GPHN: variants seen among roughly 807,000 people sequenced by gnomAD.
GPHN encodes the protein gephyrin.
Under a neutral mutation model 95.5 loss-of-function variants are expected in GPHN, and 17 were observed. The observed-to-expected ratio is 0.18, with a 90% CI of 0.12 to 0.27. The LOEUF (loss-of-function observed/expected upper bound fraction) is 0.27, where lower values mean the gene tolerates loss of function less well. GPHN is among the 10% of genes least tolerant of loss of function. GPHN has a pLI of 1.00. For synonymous variants in GPHN, 320 were observed against 322.5 expected, an observed-to-expected ratio of 0.99 and a Z score of 0.08; for missense variants, 660 against 978.1, an observed-to-expected ratio of 0.67 and a Z score of 4.34.
the GPHN span, among the ~76,000 whole-genome samples, chr14:67,721,808 C>T: frequency 1.3e-5 from 2 of 150,834 alleles, no homozygotes; most frequent in Non-Finnish European, 1.5e-5. Flanking sequence ...TATATATAAT[C>T]ATACCCATTG....
chr14:67,090,409 A>G (rs1344503238), intron 12 of GPHN, among the ~76,000 whole-genome samples: 1 of 152,136 alleles, frequency 6.6e-6, no homozygotes, highest in Non-Finnish European at 1.5e-5. Flanking sequence ...CCATAAAAAC[A>G]CACTCAAAAC....
intron 18 of GPHN, among the ~76,000 whole-genome samples, chr14:67,144,248 AAAATATATATATAT>A (rs1243646370): frequency 1.6e-5 from 1 of 62,616 alleles, no homozygotes; most frequent in Non-Finnish European, 2.8e-5. Context: ...AAAAAAAAAA[AAAATATATATATAT>A]ATATATATAT....
chr14:66,867,598 G>A (rs1023924415), intron 4 of GPHN, among the ~76,000 whole-genome samples: 1 of 152,130 alleles, frequency 6.6e-6, no homozygotes, highest in Admixed American at 6.6e-5. Flanking sequence ...CCTCAGAATT[G>A]TTAGTTTATT....
At chr14:67,105,379 G>A (rs72715371) in intron 13 of GPHN, among the ~76,000 whole-genome samples, 7,309 of 152,100 alleles carry the variant, frequency 0.048, 201 homozygotes, top group Middle Eastern at 0.068. Flanking sequence ...TAAATCCAGC[G>A]TTCCTATGTT....
intron 1 of GPHN, among the ~76,000 whole-genome samples, chr14:66,584,558 T>A (rs2061341157): frequency 6.6e-6 from 1 of 152,190 alleles, no homozygotes; most frequent in Non-Finnish European, 1.5e-5. Context: ...TTGAGATATG[T>A]CCCATCAATA....
chr14:67,038,606 T>G (rs1006217678), intron 10 of GPHN, among the ~76,000 whole-genome samples: 6 of 152,092 alleles, frequency 3.9e-5, no homozygotes, highest in African/African-American at 1.4e-4. Context: ...GAATTACTGA[T>G]TCTCATTATT....
chr14:66,844,533 G>C (rs1025287063), intron 4 of GPHN, among the ~76,000 whole-genome samples: 9 of 151,978 alleles, frequency 5.9e-5, no homozygotes, highest in African/African-American at 2.2e-4. Context: ...TCGAAGTGTG[G>C]AAAATGCTGA....
At chr14:67,305,392 A>T in the GPHN span, among the ~76,000 whole-genome samples, 2 of 151,840 alleles carry the variant, frequency 1.3e-5, no homozygotes. Context: ...CAGTCCTCCT[A>T]CCTCAGCCTC....
intron 6 of GPHN, among the ~76,000 whole-genome samples, chr14:66,918,819 A>C (rs2066051495): frequency 6.6e-6 from 1 of 152,202 alleles, no homozygotes. Context: ...ATTCTTTACC[A>C]CACAATCTTT....
intron 1 of GPHN, among the ~76,000 whole-genome samples, chr14:66,623,617 C>CA (rs57810648): frequency 0.011 from 988 of 91,072 alleles, 5 homozygotes; most frequent in Middle Eastern, 0.014. Flanking sequence ...GACTCTGTTT[C>CA]AAAAAAAAAA....
chr14:67,341,954 G>GT, the GPHN span, among the ~76,000 whole-genome samples: 1 of 151,824 alleles, frequency 6.6e-6, no homozygotes, highest in Non-Finnish European at 1.5e-5. Context: ...GGCGGTGCAA[G>GT]ATGTGCTTTG....
chr14:67,510,206 T>C, the GPHN span, among the ~76,000 whole-genome samples: 7 of 152,198 alleles, frequency 4.6e-5, no homozygotes, highest in African/African-American at 7.2e-5. Flanking sequence ...ATGCTTAGCC[T>C]AATAAATGGT....
intron 9 of GPHN, among the ~76,000 whole-genome samples, chr14:66,986,128 T>TA (rs5809323): frequency 5.9e-5 from 9 of 151,702 alleles, no homozygotes; most frequent in African/African-American, 9.7e-5. Flanking sequence ...CTTTTTTTTG[T>TA]AAAAAAAATA....
intron 2 of GPHN, among the ~76,000 whole-genome samples, chr14:66,767,441 GAA>G (rs375844697): frequency 0.02 from 1,920 of 96,854 alleles, 40 homozygotes; most frequent in African/African-American, 0.053. Context: ...TTTTTGAACA[GAA>G]AAAAAAAAAA....
At chr14:66,895,872 A>G (rs1341984845) in intron 5 of GPHN, among the ~76,000 whole-genome samples, 1 of 152,222 alleles carries the variant, frequency 6.6e-6, no homozygotes, top group Non-Finnish European at 1.5e-5. Flanking sequence ...TTTTTAAAAA[A>G]TTGACTATTG....
intron 4 of GPHN, among the ~76,000 whole-genome samples, chr14:66,852,491 A>G (rs1191865877): frequency 1.3e-5 from 2 of 152,238 alleles, no homozygotes; most frequent in Non-Finnish European, 2.9e-5. Context: ...CATATGGATG[A>G]ATAAGAAGAA....
intron 1 of GPHN, among the ~76,000 whole-genome samples, chr14:66,616,848 C>T (rs2063059529): frequency 6.6e-6 from 1 of 152,170 alleles, no homozygotes; most frequent in African/African-American, 2.4e-5. Flanking sequence ...GCTGGGATTA[C>T]AAGCGTGTGC....
At chr14:66,817,965 A>G (rs1165982118) in intron 3 of GPHN, among the ~76,000 whole-genome samples, 1 of 152,178 alleles carries the variant, frequency 6.6e-6, no homozygotes, top group Non-Finnish European at 1.5e-5. Flanking sequence ...GAGGATTTAC[A>G]ATGACTGTAT....
Position 66,648,635 on chromosome 14 carries a change from G to T in GPHN, c.65-32472G>T, listed in dbSNP as rs192045879. Among the ~76,000 whole-genome samples the T allele has an allele frequency of 3.9e-5, 6 of 152,220 alleles. No individual in the cohort carries two copies. In the East Asian group the frequency reaches 1.2e-3, roughly 29 times the overall value. On this transcript the variant is annotated intron_variant, in intron 1 of 22. Coordinates refer to ENST00000478722, the MANE Select transcript of GPHN (RefSeq NM_020806.5). Reference sequence around the variant, plus strand: ...GCTGTGTAGTAGGCTATACTATTTAGATTTGTGTAAGAATAGACTGTGAGG... The same window carrying T: ...GCTGTGTAGTAGGCTATACTATTTATATTTGTGTAAGAATAGACTGTGAGG...
Sources: gnomAD v4.1 joint callset for allele counts (sites outside exome capture counted in the v4.1 genomes callset) on GRCh38, gnomAD v4.1.1 for gene constraint, MANE v1.5 for transcripts, NCBI Gene and HGNC (gene_info 2026-07-23, HGNC 2026-07-21) for gene names.